Variants in EIF3I observed in about 807,000 individuals in gnomAD.
EIF3I encodes the protein eukaryotic translation initiation factor 3 subunit I.
Under a neutral mutation model 43.3 loss-of-function variants are expected in EIF3I, and 20 were observed. That is an observed-to-expected ratio of 0.46 (90% CI 0.32 to 0.67). The LOEUF is 0.67. Among genes scored for constraint, EIF3I ranks in the 30% least tolerant of loss-of-function variants. The pLI, the probability that EIF3I is intolerant of heterozygous loss-of-function variation, is 0.03. For missense variants in EIF3I, 279 were observed against 421.4 expected, an observed-to-expected ratio of 0.66 and a Z score of 2.96; for synonymous variants, 167 against 151.7, an observed-to-expected ratio of 1.10 and a Z score of -0.74.
At chr1:32,228,418 T>C in intron 6 of EIF3I, 81 bp from the exon 7 acceptor site, 1 of 1,176,286 alleles carries the variant, frequency 8.5e-7, no homozygotes, top group Non-Finnish European at 1.3e-6. Flanking sequence ...GTCTCAGCTT[T>C]CATTTGGGTG....
chr1:32,227,954 G>A (rs1639172643), intron 6 of EIF3I, among the ~76,000 whole-genome samples: 1 of 152,182 alleles, frequency 6.6e-6, no homozygotes, highest in Non-Finnish European at 1.5e-5. Flanking sequence ...TGTGAATTGT[G>A]CCACCATAGA....
At chr1:32,230,614 C>A (rs767836217) in intron 10 of EIF3I, among the ~76,000 whole-genome samples, 1 of 151,836 alleles carries the variant, frequency 6.6e-6, no homozygotes, top group East Asian at 2.0e-4. Flanking sequence ...CTAAGGAAGG[C>A]GGCTTGAGGC....
At chr1:32,228,570 G>C in exon 7 of EIF3I, 1 of 1,614,156 alleles carries the variant, frequency 6.2e-7, no homozygotes. Flanking sequence ...CCAGGGACAT[G>C]ACCATGTTTG....
intron 6 of EIF3I, among the ~76,000 whole-genome samples, chr1:32,227,442 A>G (rs936742921): frequency 6.6e-6 from 1 of 152,080 alleles, no homozygotes; most frequent in African/African-American, 2.4e-5. Flanking sequence ...ATGATATCAC[A>G]TGTTTGAAAA....
At chr1:32,228,806 A>T (rs779896299) in exon 8 of EIF3I, 2 of 1,613,420 alleles carry the variant, frequency 1.2e-6, no homozygotes. Context: ...CTCTCCCCCA[A>T]CTATGACCAT....
Position 32,228,803 on chromosome 1 carries a change from C to A in EIF3I, c.716C>A (p.Pro239His), listed in dbSNP as rs758103891. The change falls in exon 8 of 12, where the codon CCC becomes CAC. Residue 239 changes from proline (P) to histidine (H), a missense_variant. This residue lies in a region of EIF3I where 156 missense variants were observed against 178.8 expected (regional missense o/e 0.87). Coordinates refer to ENST00000676679, the Ensembl canonical transcript of EIF3I. ...CCTGTCAACTCAGCTGCCCTCTCCC[C>A]CAACTATGACCATGTAAGAGAACCC... 3 of 1,613,670 alleles carry A rather than the reference C, an allele frequency of 1.9e-6. No homozygotes were observed. In the African/African-American group the frequency reaches 4.0e-5, roughly 22 times the overall value.
chr1:32,231,224 G>A (rs757504662), exon 12 of EIF3I: 1 of 1,607,472 alleles, frequency 6.2e-7, no homozygotes. Context: ...CGGGCGTGGT[G>A]GCTCATGCCT....
intron 6 of EIF3I, among the ~76,000 whole-genome samples, chr1:32,227,299 A>G (rs962309702): frequency 1.3e-5 from 2 of 148,944 alleles, no homozygotes; most frequent in Admixed American, 1.3e-4. Context: ...AAAAAAAAAA[A>G]GTTAATAAAA....
At chr1:32,227,548 G>T (rs1178703000) in intron 6 of EIF3I, among the ~76,000 whole-genome samples, 1 of 152,064 alleles carries the variant, frequency 6.6e-6, no homozygotes, top group African/African-American at 2.4e-5. Flanking sequence ...GGCTGTGGCA[G>T]GATTGCTTGA....
intron 4 of EIF3I, among the ~76,000 whole-genome samples, 191 bp downstream of exon 4, chr1:32,224,666 T>C (rs997998525): frequency 2.0e-5 from 3 of 151,554 alleles, no homozygotes; most frequent in African/African-American, 7.3e-5. Flanking sequence ...TTCTTTTTTT[T>C]TTTTTTTTTC....
At chr1:32,223,551 C>T (rs889286467) in intron 2 of EIF3I, among the ~76,000 whole-genome samples, 1 of 152,126 alleles carries the variant, frequency 6.6e-6, no homozygotes, top group South Asian at 2.1e-4. Flanking sequence ...TCCCAAAGTG[C>T]TAGGATTACA....
chr1:32,224,121 T>C (rs747137878), exon 3 of EIF3I: 1 of 1,614,102 alleles, frequency 6.2e-7, no homozygotes, highest in South Asian at 1.1e-5. Flanking sequence ...GGACGCTGAC[T>C]GTATCCTTAT....
rs372723503 is a variant in EIF3I at position 32,231,219 on chromosome 1, G to A, written c.*23G>A. On this transcript the variant is annotated 3_prime_UTR_variant, in exon 12 of 12. Transcript: ENST00000676679. ...TAAGAAGCTGGATCTCCTGCCGGGC[G>A]TGGTGGCTCATGCCTGTAATCCCAC... 72 of 1,610,602 alleles carry A rather than the reference G, an allele frequency of 4.5e-5. 1 individual carries two copies. Among genetic ancestry groups the A allele is most frequent in the Non-Finnish European group, 5.6e-5 (66 of 1,177,904 alleles).
At chr1:32,223,707 C>A (rs1394685567) in intron 2 of EIF3I, among the ~76,000 whole-genome samples, 1 of 152,226 alleles carries the variant, frequency 6.6e-6, no homozygotes, top group African/African-American at 2.4e-5. Flanking sequence ...CAGCTGCTCC[C>A]ACTTGGATAA....
At chr1:32,230,842 T>C (rs2124269293) in intron 10 of EIF3I, 85 bp from the exon 10 acceptor site, 1 of 958,312 alleles carries the variant, frequency 1.0e-6, no homozygotes, top group Non-Finnish European at 1.6e-6. Flanking sequence ...TAAATAATAA[T>C]AACAATTTGC....
chr1:32,231,890 C>G (rs1639242596), downstream of EIF3I: 1 of 152,756 alleles, frequency 6.5e-6, no homozygotes, highest in Non-Finnish European at 1.5e-5. Flanking sequence ...TGTCTTCTCC[C>G]TTCCTGTCAC....
chr1:32,223,993 C>T, intron 2 of EIF3I, 41 bp from the exon 3 acceptor site: 3 of 1,598,034 alleles, frequency 1.9e-6, no homozygotes, highest in Non-Finnish European at 1.7e-6. Context: ...AGCCATTGCT[C>T]TTACTGGGAT....
chr1:32,224,075 C>T, exon 3 of EIF3I: 1 of 1,614,138 alleles, frequency 6.2e-7, no homozygotes, highest in Non-Finnish European at 8.5e-7. Flanking sequence ...AGAGGCTGGG[C>T]ACCTACATGG....
intron 6 of EIF3I, among the ~76,000 whole-genome samples, chr1:32,226,733 A>AT (rs1359357814): frequency 2.1e-5 from 3 of 145,518 alleles, no homozygotes; most frequent in Admixed American, 7.0e-5. Flanking sequence ...CACCTGGCTA[A>AT]TTTTTTTTGT....
Sources: gnomAD v4.1 joint callset for allele counts (sites outside exome capture counted in the v4.1 genomes callset) on GRCh38, gnomAD v4.1.1 for gene constraint, gnomAD v4.1.1 regional missense constraint, MANE v1.5 for transcripts, NCBI Gene and HGNC (gene_info 2026-07-23, HGNC 2026-07-21) for gene names.